DLGAP4: variants seen among roughly 807,000 people sequenced by gnomAD.
DLGAP4 encodes DLG associated protein 4.
DLGAP4 carries 18 observed loss-of-function variants against 86.9 expected under a neutral mutation model. That is an observed-to-expected ratio of 0.21 (90% CI 0.14 to 0.31). The LOEUF is 0.31. DLGAP4 is among the 10% of genes least tolerant of loss of function. The probability of loss-of-function intolerance (pLI) is 1.00; values close to 1 mark genes in which losing one functional copy is unlikely to be tolerated. For missense variants in DLGAP4, 1,085 were observed against 1,362.6 expected (o/e 0.80, Z 3.21); for synonymous variants, 548 against 574.3 (o/e 0.95, Z 0.65).
At chr20:36,421,134 G>A (rs2032812391) in intron 2 of DLGAP4, among the ~76,000 whole-genome samples, 1 of 151,436 alleles carries the variant, frequency 6.6e-6, no homozygotes, top group African/African-American at 2.4e-5. Context: ...AACACAGCAA[G>A]ACCCTATTTC....
chr20:36,499,015 T>C (rs1338842543), intron 8 of DLGAP4: 1 of 537,006 alleles, frequency 1.9e-6, no homozygotes, highest in Non-Finnish European at 3.3e-6. Flanking sequence ...GTGGCTCCTG[T>C]GGGTGGCAGT....
chr20:36,431,713 G>C lies in DLGAP4; in HGVS notation c.-5G>C. ...GGTGAAGGCCCCTGCCCTCGGCCCG[G>C]GATCATGAAAGGCCTCGGTGACAGC... On this transcript the variant is annotated 5_prime_UTR_variant, in exon 3 of 13. Transcript: ENST00000339266. The surrounding 1 kb of genome is among the most constrained non-coding windows in gnomAD (Gnocchi z 5.1). The C allele has an allele frequency of 6.3e-7, 1 of 1,585,068 alleles. No homozygotes were observed. The highest frequency in any genetic ancestry group is 8.6e-7 in the Non-Finnish European group (1 of 1,163,060).
At chr20:36,462,153 A>C (rs1194339510) in intron 7 of DLGAP4, 5 of 1,033,188 alleles carry the variant, frequency 4.8e-6, no homozygotes, top group Non-Finnish European at 5.8e-6. Flanking sequence ...GGTGTTCCCC[A>C]TATCCACTGG....
chr20:36,307,889 G>C lies in DLGAP4; in HGVS notation c.-304+1377G>C, dbSNP rs1252903958. Among the ~76,000 whole-genome samples, 3 of 152,230 alleles carry C rather than the reference G, an allele frequency of 2.0e-5. No individual in the cohort carries two copies. The East Asian group carries it at 5.8e-4, about 29-fold the overall frequency. ...AGGACCATCTCCTAGAATGCCTGTT[G>C]GAAGAGCCCTGTTTCTGTCCCTCCT... is the stretch of plus-strand genomic sequence containing the variant. On this transcript the variant is annotated intron_variant, in intron 1 of 12. Coordinates refer to ENST00000339266, the MANE Select transcript of DLGAP4 (RefSeq NM_001365621.2).
In DLGAP4 at chr20:36,378,783, T is replaced by G. The variant is rs532002035; in HGVS notation, c.-73+11508T>G. ...GCTGGAGGCAGAGTGCAGGAGACGC[T>G]TGAGTGTCAGCCACAGTAGGAGGGT... On this transcript the variant is annotated intron_variant, in intron 2 of 12. Coordinates refer to ENST00000339266, the MANE Select transcript of DLGAP4 (RefSeq NM_001365621.2). Among the ~76,000 whole-genome samples, 5 of 152,014 alleles carry G rather than the reference T, an allele frequency of 3.3e-5. No homozygotes were observed. In the South Asian group the frequency reaches 8.3e-4, roughly 25 times the overall value.
intron 4 of DLGAP4, 39 bp downstream of exon 4, chr20:36,436,389 G>A: frequency 6.5e-7 from 1 of 1,541,944 alleles, no homozygotes; most frequent in Non-Finnish European, 8.7e-7. Flanking sequence ...CCGCCCAGAG[G>A]CAAGCCCCGC....
At chr20:36,519,649 G>A (rs2037254769) in intron 10 of DLGAP4, among the ~76,000 whole-genome samples, 2 of 152,066 alleles carry the variant, frequency 1.3e-5, no homozygotes, top group African/African-American at 2.4e-5. Flanking sequence ...TCTATGTCTC[G>A]CTTTCTGAGG....
intron 2 of DLGAP4, among the ~76,000 whole-genome samples, chr20:36,418,676 C>G (rs1444782456): frequency 6.6e-6 from 1 of 152,106 alleles, no homozygotes; most frequent in African/African-American, 2.4e-5. Context: ...GCTGTGACAT[C>G]CACATCCTGG....
chr20:36,514,746 A>G (rs2036936476), intron 10 of DLGAP4, among the ~76,000 whole-genome samples: 1 of 152,006 alleles, frequency 6.6e-6, no homozygotes, highest in Admixed American at 6.6e-5. Flanking sequence ...CAATATAAGC[A>G]TGTTTATATG....
chr20:36,512,137 A>G (rs1299627672), intron 10 of DLGAP4, among the ~76,000 whole-genome samples: 2 of 132,268 alleles, frequency 1.5e-5, no homozygotes, highest in African/African-American at 2.9e-5. Context: ...TGCAAGCTCC[A>G]CCTCCCGGAT....
chr20:36,426,706 G>C (rs1323343068), intron 2 of DLGAP4, among the ~76,000 whole-genome samples: 1 of 151,994 alleles, frequency 6.6e-6, no homozygotes, highest in Non-Finnish European at 1.5e-5. Flanking sequence ...GCTTAAAGAT[G>C]GTTAAAATGG....
intron 10 of DLGAP4, among the ~76,000 whole-genome samples, chr20:36,518,917 A>G (rs1264142406): frequency 1.3e-5 from 2 of 152,144 alleles, no homozygotes; most frequent in East Asian, 1.9e-4. Flanking sequence ...GGAGTTCGAG[A>G]CTAGCCTGGT....
chr20:36,354,640 T>G (rs1251219033), intron 1 of DLGAP4, among the ~76,000 whole-genome samples: 1 of 152,164 alleles, frequency 6.6e-6, no homozygotes, highest in Non-Finnish European at 1.5e-5. Context: ...AAAAAACAGC[T>G]GTATTGCTGG....
Position 36,317,277 on chromosome 20 carries a change from TATCTTTCTTTCTTTCTTA to T in DLGAP4, c.-304+10766_-304+10783del, listed in dbSNP as rs1226059666. On this transcript the variant is annotated intron_variant, in intron 1 of 12. Transcript: ENST00000339266. ...TTTCTTTCTTTCTTTCTTTCTTTCT[TATCTTTCTTTCTTTCTTA>T]TCTTTCTTTCTTCCTTCCTTCCTTC... 4.7e-4 allele frequency among the ~76,000 whole-genome samples: 26 copies of T among 54,986 alleles called. 1 individual carries two copies. Among genetic ancestry groups the T allele is most frequent in the African/African-American group, 1.6e-3 (23 of 14,322 alleles). The allele number at this position is 54,986 out of a possible 152,430, so 36.1% of individuals were successfully genotyped here.
intron 1 of DLGAP4, among the ~76,000 whole-genome samples, chr20:36,354,944 GAAAAC>G (rs1175644540): frequency 3.3e-5 from 5 of 152,046 alleles, no homozygotes; most frequent in South Asian, 2.1e-4. Flanking sequence ...CCTGTCTACA[GAAAAC>G]AAAACAAAAC....
intron 7 of DLGAP4, among the ~76,000 whole-genome samples, chr20:36,458,680 A>G (rs554987321): frequency 6.6e-6 from 1 of 152,264 alleles, no homozygotes; most frequent in East Asian, 1.9e-4. Context: ...GCCTGGCAAC[A>G]GAATGAGACT....
chr20:36,468,725 T>C lies in DLGAP4; in HGVS notation c.1648+21788T>C, dbSNP rs183630786. Among the ~76,000 whole-genome samples, 486 of 152,370 alleles carry C rather than the reference T, an allele frequency of 3.2e-3. 7 individuals are homozygous for C. Among genetic ancestry groups the C allele is most frequent in the African/African-American group, 0.011 (470 of 41,596 alleles). ...GTGGTATGCAGGGTACAATTGTAAC[T>C]GTAACCGTGTTCGTCATACCAAAAT... On this transcript the variant is annotated intron_variant, in intron 7 of 12. Transcript: ENST00000339266.
chr20:36,506,598 T>C (rs1030341997), intron 10 of DLGAP4, among the ~76,000 whole-genome samples: 12 of 152,238 alleles, frequency 7.9e-5, no homozygotes, highest in African/African-American at 2.9e-4. Context: ...CATTGCCCTC[T>C]TGTCTAAACC....
At chr20:36,373,576 A>G (rs2031025701) in intron 2 of DLGAP4, among the ~76,000 whole-genome samples, 1 of 152,144 alleles carries the variant, frequency 6.6e-6, no homozygotes, top group Non-Finnish European at 1.5e-5. Flanking sequence ...TGGAACCTCA[A>G]GAGTGGAGAG....
Sources: allele counts gnomAD v4.1 joint callset (sites outside exome capture counted in the v4.1 genomes callset), GRCh38; gene constraint gnomAD v4.1.1; non-coding constraint Gnocchi (gnomAD v3.1); transcripts MANE v1.5; gene names NCBI Gene and HGNC (gene_info 2026-07-23, HGNC 2026-07-21).